IGLON5: variants seen among roughly 807,000 people sequenced by gnomAD.
IGLON5 encodes the protein Ig-like domain-containing protein ENSP00000270642.
A neutral mutation model predicts 38.2 loss-of-function variants in IGLON5; 16 were observed. That is an observed-to-expected ratio of 0.42 (90% CI 0.28 to 0.64). IGLON5 has a LOEUF of 0.64. Among genes scored for constraint, IGLON5 ranks in the 30% least tolerant of loss-of-function variants. The pLI is 0.23. For synonymous variants in IGLON5, 207 were observed against 216.4 expected (o/e 0.96, Z 0.38); for missense variants, 366 against 483.4 (o/e 0.76, Z 2.28).
intron 1 of IGLON5, among the ~76,000 whole-genome samples, chr19:51,314,119 C>T (rs1434949151): frequency 6.6e-6 from 1 of 151,946 alleles, no homozygotes; most frequent in Non-Finnish European, 1.5e-5. Context: ...ACCTTTCCCC[C>T]ACTTTCCTGT....
chr19:51,315,147 T>G (rs1297478218), intron 1 of IGLON5, among the ~76,000 whole-genome samples: 1 of 136 alleles, frequency 7.4e-3, no homozygotes, highest in Non-Finnish European at 0.014. Flanking sequence ...TATACATATT[T>G]ATTTACAAAG....
Position 51,330,802 on chromosome 19 carries a change from T to C in IGLON5, c.*2043T>C, listed in dbSNP as rs1180761519. Among the ~76,000 whole-genome samples, 1 of 152,046 alleles carries C rather than the reference T, an allele frequency of 6.6e-6. No homozygotes were observed. The highest frequency in any genetic ancestry group is 1.9e-4 in the East Asian group (1 of 5,194). Reference sequence around the variant, plus strand: ...AACCTTAGAGAAACTGAGTCCATGATTATATATCATTTGAGCAGCTGGATC... The same window carrying C: ...AACCTTAGAGAAACTGAGTCCATGACTATATATCATTTGAGCAGCTGGATC... On this transcript the variant is annotated 3_prime_UTR_variant, in exon 8 of 8. Transcript: ENST00000270642.
rs771642201 is a variant in IGLON5 at position 51,326,903 on chromosome 19, G to GC, written c.646+11dup. ...GCGTGCTGGTCACAGTCAACTGTGA[G>GC]CCCCCCTGGCACTGGGCACGAAAGG... is the stretch of plus-strand genomic sequence containing the variant. On this transcript the variant is annotated splice_donor_region_variant and intron_variant, in intron 5 of 7. Coordinates refer to ENST00000270642, the MANE Select transcript of IGLON5 (RefSeq NM_001101372.3). 145 of 1,569,198 alleles carry GC rather than the reference G, an allele frequency of 9.2e-5. No homozygotes were observed. The East Asian group carries it at 2.1e-3, about 22-fold the overall frequency.
chr19:51,313,802 G>T (rs541231760), intron 1 of IGLON5, among the ~76,000 whole-genome samples: 1 of 151,076 alleles, frequency 6.6e-6, no homozygotes, highest in East Asian at 2.0e-4. Flanking sequence ...GCTCACTGCA[G>T]CCTCAATTTC....
At chr19:51,318,976 G>A (rs1312088318) in intron 1 of IGLON5, among the ~76,000 whole-genome samples, 2 of 152,200 alleles carry the variant, frequency 1.3e-5, no homozygotes, top group Non-Finnish European at 2.9e-5. Flanking sequence ...ATCTGACAAT[G>A]TCTGGAGGCA....
rs1365547664 is a variant in IGLON5 at position 51,326,519 on chromosome 19, AT to A, written c.512-243del. On this transcript the variant is annotated intron_variant, in intron 4 of 7. Transcript: ENST00000270642. ...CTGGAGGGATCTCCTGAACCCTTAGATTCTCTAACCCACCCCACTGGGTTCC... is the reference window on the plus strand; with the variant it reads ...CTGGAGGGATCTCCTGAACCCTTAGATCTCTAACCCACCCCACTGGGTTCC... Among the ~76,000 whole-genome samples the A allele has an allele frequency of 2.0e-5, 3 of 151,770 alleles. No individual in the cohort carries two copies. In the East Asian group the frequency reaches 5.9e-4, roughly 30 times the overall value.
chr19:51,319,003 G>A (rs1020029617), intron 1 of IGLON5, among the ~76,000 whole-genome samples: 1 of 152,206 alleles, frequency 6.6e-6, no homozygotes, highest in Non-Finnish European at 1.5e-5. Context: ...GTGGAGAAGG[G>A]CATCAAATGG....
In IGLON5 at chr19:51,326,797, T is replaced by A; in HGVS notation, c.545T>A (p.Ile182Asn). Residue 182 changes from isoleucine (I) to asparagine (N), a missense_variant, in exon 5 of 8, where the codon ATC (isoleucine) becomes AAC (asparagine). Ile to Asn is a moderately radical substitution (Grantham distance 149, BLOSUM62 -3). Transcript: ENST00000270642. ...ACCTCGGAGGGAGAGATCCTGGAGA[T>A]CTCTGACATCCAGCGGGGCCAGGCC... ...GFTSEGEILE[I>N]SDIQRGQAGE... The A allele has an allele frequency of 6.5e-7, 1 of 1,549,692 alleles. No individual in the cohort carries two copies. Among genetic ancestry groups the A allele is most frequent in the Non-Finnish European group, 8.7e-7 (1 of 1,146,728 alleles).
intron 1 of IGLON5, among the ~76,000 whole-genome samples, chr19:51,318,008 G>A (rs117887038): frequency 0.011 from 1,632 of 152,268 alleles, 10 homozygotes; most frequent in Non-Finnish European, 0.017. Context: ...CCAGTTCTGA[G>A]ATTGGCTCGA....
intron 1 of IGLON5, among the ~76,000 whole-genome samples, chr19:51,315,827 C>T (rs1293105203): frequency 1.3e-5 from 2 of 151,002 alleles, no homozygotes; most frequent in Admixed American, 1.3e-4. Flanking sequence ...TCCCAAGTAG[C>T]TGGGACTACA....
chr19:51,326,918 G>C lies in IGLON5; in HGVS notation c.646+20G>C, dbSNP rs991993612. ...TCAACTGTGAGCCCCCCTGGCACTG[G>C]GCACGAAAGGGTGGCGGACCCCCGA... On this transcript the variant is annotated intron_variant, in intron 5 of 7. Coordinates refer to ENST00000270642, the MANE Select transcript of IGLON5 (RefSeq NM_001101372.3). The C allele has an allele frequency of 1.3e-6, 2 of 1,570,678 alleles. No individual in the cohort carries two copies. Among genetic ancestry groups the C allele is most frequent in the African/African-American group, 2.7e-5 (2 of 73,964 alleles).
chr19:51,314,485 A>T (rs1984865057), intron 1 of IGLON5, among the ~76,000 whole-genome samples: 1 of 152,174 alleles, frequency 6.6e-6, no homozygotes, highest in Admixed American at 6.5e-5. Context: ...TCTGGCCCCC[A>T]CATTCATTCT....
At chr19:51,315,133 C>A (rs896436155) in intron 1 of IGLON5, among the ~76,000 whole-genome samples, 2 of 119,902 alleles carry the variant, frequency 1.7e-5, no homozygotes, top group African/African-American at 6.6e-5. Context: ...CGCACCCCCT[C>A]ACATATACAT....
chr19:51,327,919 T>C lies in IGLON5; in HGVS notation c.922+33T>C, dbSNP rs942515178. On this transcript the variant is annotated intron_variant, in intron 7 of 7. Transcript: ENST00000270642. The surrounding 1 kb of genome is among the most constrained non-coding windows in gnomAD (Gnocchi z 7.1). ...TTCGGGCGGGGCGGGGCCGGGAAGGTGGGCGGGGCCGGGGGCGGGGCTAGG... is the reference window on the plus strand; with the variant it reads ...TTCGGGCGGGGCGGGGCCGGGAAGGCGGGCGGGGCCGGGGGCGGGGCTAGG... 6.0e-6 allele frequency: 4 copies of C among 662,972 alleles called. No homozygotes were observed. The highest frequency in any genetic ancestry group is 8.3e-6 in the Non-Finnish European group (4 of 483,300). The allele number at this position is 662,972 out of a possible 1,614,324, so 41.1% of individuals were successfully genotyped here.
intron 1 of IGLON5, among the ~76,000 whole-genome samples, chr19:51,318,243 A>G (rs953026303): frequency 8.5e-5 from 13 of 152,210 alleles, no homozygotes; most frequent in African/African-American, 2.9e-4. Flanking sequence ...TTCAACAAAT[A>G]TTTCCCAAGG....
intron 1 of IGLON5, among the ~76,000 whole-genome samples, chr19:51,319,787 A>T (rs1250697624): frequency 1.3e-5 from 2 of 152,150 alleles, no homozygotes; most frequent in East Asian, 3.9e-4. Flanking sequence ...GCATCACTGT[A>T]TATACACACC....
At chr19:51,321,746 TG>T in intron 1 of IGLON5, among the ~76,000 whole-genome samples, 1 of 152,360 alleles carries the variant, frequency 6.6e-6, no homozygotes, top group East Asian at 1.9e-4. Context: ...TGTGTAGGTT[TG>T]TATGTCCATG....
intron 1 of IGLON5, among the ~76,000 whole-genome samples, chr19:51,313,325 T>C (rs1984816212): frequency 6.6e-6 from 1 of 152,146 alleles, no homozygotes; most frequent in African/African-American, 2.4e-5. Context: ...GAGGTTCCCA[T>C]CCCTTCCCAT....
At chr19:51,328,238 C>T (rs1599829048) in intron 7 of IGLON5, among the ~76,000 whole-genome samples, 1 of 151,842 alleles carries the variant, frequency 6.6e-6, no homozygotes, top group African/African-American at 2.4e-5. Context: ...TGGTGGCTCA[C>T]GCCTGTAAAT....
Sources: allele counts gnomAD v4.1 joint callset (sites outside exome capture counted in the v4.1 genomes callset), GRCh38; gene constraint gnomAD v4.1.1; non-coding constraint Gnocchi (gnomAD v3.1); transcripts MANE v1.5; gene names NCBI Gene and HGNC (gene_info 2026-07-23, HGNC 2026-07-21).